Variants in CYP4F22 observed in about 807,000 individuals in gnomAD.
CYP4F22 encodes the protein cytochrome P450 family 4 subfamily F member 22, also known as ultra-long-chain fatty acid omega-hydroxylase.
Under a neutral mutation model 60.4 loss-of-function variants are expected in CYP4F22, and 37 were observed. The ratio of observed to expected loss-of-function variants is 0.61; its 90% confidence interval spans 0.47 to 0.81. CYP4F22 has a LOEUF of 0.81. Ranked by LOEUF, CYP4F22 falls within the 30% of genes least tolerant of loss-of-function variation. The pLI is 0.00. For synonymous variants in CYP4F22, 258 were observed against 280.5 expected (o/e 0.92, Z 0.80); for missense variants, 655 against 715.0 (o/e 0.92, Z 0.96).
chr19:15,550,326 A>C (rs968730815), intron 12 of CYP4F22, among the ~76,000 whole-genome samples: 4 of 152,160 alleles, frequency 2.6e-5, no homozygotes, highest in African/African-American at 9.7e-5. Flanking sequence ...AACAAACAAA[A>C]AAAAAGAAAA....
chr19:15,509,966 T>TG (rs1410977813), intron 1 of CYP4F22, among the ~76,000 whole-genome samples: 1 of 130,910 alleles, frequency 7.6e-6, no homozygotes, highest in African/African-American at 2.8e-5. Context: ...CTCTCTCTCT[T>TG]TCTTTCTTTC....
chr19:15,537,474 G>C, intron 5 of CYP4F22, 60 bp downstream of exon 5: 1 of 1,614,136 alleles, frequency 6.2e-7, no homozygotes, highest in East Asian at 2.2e-5. Flanking sequence ...AAGAGCATGG[G>C]GTTCCTTGGA....
intron 3 of CYP4F22, 73 bp from the exon 4 acceptor site, chr19:15,529,636 G>C (rs997773654): frequency 1.3e-6 from 2 of 1,592,842 alleles, no homozygotes; most frequent in Non-Finnish European, 1.7e-6. Flanking sequence ...GACTACAGGA[G>C]GTGGCAGGAG....
At chr19:15,512,601 T>C (rs1303297880) in intron 1 of CYP4F22, among the ~76,000 whole-genome samples, 1 of 152,082 alleles carries the variant, frequency 6.6e-6, no homozygotes, top group African/African-American at 2.4e-5. Context: ...CCACCATGCC[T>C]GGCCTGATTT....
At position 15,537,597 on chromosome 19, in the gene CYP4F22, G is replaced by T; in HGVS notation, c.484G>T (p.Ala162Ser). The T allele has an allele frequency of 1.2e-6, 2 of 1,614,084 alleles. No individual in the cohort carries two copies. The highest frequency in any genetic ancestry group is 1.7e-6 in the Non-Finnish European group (2 of 1,180,040). Reference sequence around the variant, plus strand: ...CCGGCACCGTCGCCTGCTGACACCCGCCTTCCACTTTGACATCCTGAAGCC... The same window carrying T: ...CCGGCACCGTCGCCTGCTGACACCCTCCTTCCACTTTGACATCCTGAAGCC... ...WSRHRRLLTP[A>S]FHFDILKPYM... The change falls in exon 6 of 14, where the codon GCC (alanine) becomes TCC (serine). Residue 162 changes from alanine to serine, a missense_variant. Ala to Ser is a moderately conservative substitution (Grantham distance 99). This residue lies in a region of CYP4F22 where 430 missense variants were observed against 457.1 expected (regional missense o/e 0.94). Coordinates refer to ENST00000269703, the MANE Select transcript of CYP4F22 (RefSeq NM_173483.4).
At chr19:15,544,356 A>G (rs1971498822) in intron 10 of CYP4F22, 77 bp downstream of exon 10, 4 of 1,532,636 alleles carry the variant, frequency 2.6e-6, no homozygotes, top group Non-Finnish European at 3.5e-6. Context: ...TCTCCCACTT[A>G]CTGATTGTGT....
intron 3 of CYP4F22, among the ~76,000 whole-genome samples, chr19:15,528,566 G>A (rs1335264348): frequency 8.7e-6 from 1 of 114,548 alleles, no homozygotes; most frequent in Non-Finnish European, 2.1e-5. Flanking sequence ...TCCTTTACTG[G>A]TGGTCTTCTT....
intron 4 of CYP4F22, among the ~76,000 whole-genome samples, chr19:15,532,362 TCCA>T (rs1971352685): frequency 6.9e-6 from 1 of 144,570 alleles, no homozygotes; most frequent in Non-Finnish European, 1.5e-5. Flanking sequence ...CTCCTCCTCC[TCCA>T]CCTTCTTCTT....
intron 3 of CYP4F22, among the ~76,000 whole-genome samples, chr19:15,525,775 G>A (rs1971276602): frequency 6.6e-6 from 1 of 152,114 alleles, no homozygotes; most frequent in African/African-American, 2.4e-5. Context: ...CTTTAAAGAT[G>A]AATTATTTTG....
intron 10 of CYP4F22, among the ~76,000 whole-genome samples, chr19:15,547,018 G>GTTTTTTTTTTCTTT (rs1971534043): frequency 2.4e-5 from 2 of 82,330 alleles, no homozygotes; most frequent in Admixed American, 1.6e-4. Flanking sequence ...GCCTGCACCA[G>GTTTTTTTTTTCTTT]TTTTTTTTTT....
intron 1 of CYP4F22, among the ~76,000 whole-genome samples, chr19:15,513,242 C>G (rs989404544): frequency 1.3e-5 from 2 of 151,804 alleles, no homozygotes; most frequent in East Asian, 3.9e-4. Context: ...GTGGCATGTT[C>G]TCGGCTCACT....
At chr19:15,520,866 C>T (rs1214577312) in intron 1 of CYP4F22, among the ~76,000 whole-genome samples, 4 of 151,580 alleles carry the variant, frequency 2.6e-5, no homozygotes, top group East Asian at 2.0e-4. Context: ...CTCCTGGGTT[C>T]GAGCAATTCT....
chr19:15,517,735 C>T (rs1479287649), intron 1 of CYP4F22, among the ~76,000 whole-genome samples: 2 of 152,124 alleles, frequency 1.3e-5, no homozygotes, highest in Non-Finnish European at 2.9e-5. Flanking sequence ...AATCATCACA[C>T]ATAACAGGCA....
chr19:15,551,774 A>G lies in CYP4F22; in HGVS notation c.*303A>G, dbSNP rs931663841. 6 of 483,562 alleles carry G rather than the reference A, an allele frequency of 1.2e-5. No homozygotes were observed. The highest frequency in any genetic ancestry group is 2.2e-5 in the Non-Finnish European group (6 of 270,986). The allele number at this position is 483,562 out of a possible 1,614,324, so 30.0% of individuals were successfully genotyped here. A position where few individuals can be genotyped will look rare whatever the true frequency, so the allele number is the denominator to read the frequency against. On this transcript the variant is annotated 3_prime_UTR_variant, in exon 14 of 14. Transcript: ENST00000269703. ...CCCCTTGGGCTCAGGCCCCGCCCCC[A>G]GGATCCTACGGATTGAGGTCCTCAG...
Position 15,537,886 on chromosome 19 carries a change from T to A in CYP4F22, c.564T>A (p.His188Gln). The change falls in exon 7 of 14, where the codon CAT (histidine) becomes CAA (glutamine). Residue 188 changes from histidine (H) to glutamine (Q), a missense_variant. Around this residue, in one of 3 missense-constraint regions of CYP4F22, gnomAD observed 430 missense variants for 457.1 expected, o/e 0.94. Coordinates refer to ENST00000269703, the MANE Select transcript of CYP4F22 (RefSeq NM_173483.4). ...CTCTCTTCCAGGCTAAATGGCGGCA[T>A]CTGGCAGAGGGCTCAGCGGTCTCCC... ...SADIMHAKWR[H>Q]LAEGSAVSLD... The A allele has an allele frequency of 6.2e-7, 1 of 1,614,024 alleles. No homozygotes were observed. Among genetic ancestry groups the A allele is most frequent in the Non-Finnish European group, 8.5e-7 (1 of 1,180,020 alleles).
intron 1 of CYP4F22, among the ~76,000 whole-genome samples, chr19:15,511,186 G>A (rs994542810): frequency 1.3e-5 from 2 of 151,048 alleles, no homozygotes; most frequent in Non-Finnish European, 1.5e-5. Flanking sequence ...GGCTGGTCTC[G>A]AACTCCCGAC....
At position 15,541,200 on chromosome 19, in the gene CYP4F22, C is replaced by G. The variant is rs1469843279; in HGVS notation, c.939+483C>G. ...TTTCTTGGGCTGCTATTACAAAGTA[C>G]CACAAACTAAATGGCCTAAACATCA... On this transcript the variant is annotated intron_variant, in intron 8 of 13. Transcript: ENST00000269703. Among the ~76,000 whole-genome samples, 6 of 152,316 alleles carry G rather than the reference C, an allele frequency of 3.9e-5. No individual in the cohort carries two copies. The South Asian group carries it at 1.2e-3, about 32-fold the overall frequency.
intron 3 of CYP4F22, among the ~76,000 whole-genome samples, chr19:15,527,458 A>G (rs1025930257): frequency 6.6e-6 from 1 of 152,068 alleles, no homozygotes; most frequent in Admixed American, 6.5e-5. Context: ...TGCTAGATCA[A>G]CTTCTGCTCA....
intron 7 of CYP4F22, among the ~76,000 whole-genome samples, chr19:15,539,986 GA>G (rs1971439362): frequency 6.6e-6 from 1 of 152,288 alleles, no homozygotes; most frequent in African/African-American, 2.4e-5. Context: ...TAAGTTTTAA[GA>G]ATTCTTTATT....
Sources: gnomAD v4.1 joint callset for allele counts (sites outside exome capture counted in the v4.1 genomes callset) on GRCh38, gnomAD v4.1.1 for gene constraint, gnomAD v4.1.1 regional missense constraint, MANE v1.5 for transcripts, NCBI Gene and HGNC (gene_info 2026-07-23, HGNC 2026-07-21) for gene names.